LMO4: variants seen among roughly 807,000 people sequenced by gnomAD.
LMO4 encodes LIM domain only 4.
A neutral mutation model predicts 18.5 loss-of-function variants in LMO4; 3 were observed. The observed-to-expected ratio is 0.16, with a 90% CI of 0.07 to 0.42. The LOEUF (loss-of-function observed/expected upper bound fraction) is 0.42. Among genes scored for constraint, LMO4 ranks in the 10% least tolerant of loss-of-function variants. LMO4 has a pLI of 0.99. For synonymous variants in LMO4, 100 were observed against 88.1 expected (o/e 1.14, Z -0.76); for missense variants, 121 against 219.9 (o/e 0.55, Z 2.84).
In LMO4 at chr1:87,347,941, T is replaced by G. The variant is rs926941062; in HGVS notation, c.*3145T>G. 3 of 152,194 alleles carry G rather than the reference T, an allele frequency of 2.0e-5. No individual in the cohort carries two copies. Among genetic ancestry groups the G allele is most frequent in the Admixed American group, 2.0e-4 (3 of 15,276 alleles). The allele number at this position is 152,194 out of a possible 1,614,324, so 9.4% of individuals were successfully genotyped here. A position where few individuals can be genotyped will look rare whatever the true frequency, so the allele number is the denominator to read the frequency against. ...CTTATAAAATACAAAACGAGAAAAC[T>G]GACACACCAAAATGAAGTCTGTGAA... On this transcript the variant is annotated 3_prime_UTR_variant, in exon 5 of 5. Transcript: ENST00000370544.
rs994123163 is a variant in LMO4, at chr1:87,348,626, C to T, written c.*3830C>T. 6.5e-6 allele frequency: 3 copies of T among 458,690 alleles called. No homozygotes were observed. The highest frequency in any genetic ancestry group is 4.0e-5 in the African/African-American group (2 of 50,392). The allele number at this position is 458,690 out of a possible 1,614,324, so 28.4% of individuals were successfully genotyped here. A position where few individuals can be genotyped will look rare whatever the true frequency, so the allele number is the denominator to read the frequency against. On this transcript the variant is annotated 3_prime_UTR_variant, in exon 5 of 5. Coordinates refer to ENST00000370544, the MANE Select transcript of LMO4 (RefSeq NM_006769.4). ...AAAGAGGCATTTGTAGCCCTCTGCT[C>T]CCATCGTGAACATGCTGAGAGCAAT...
In LMO4 at chr1:87,344,855, TC is replaced by T; in HGVS notation, c.*62del. 1 of 1,562,048 alleles carries T rather than the reference TC, an allele frequency of 6.4e-7. No homozygotes were observed. Among genetic ancestry groups the T allele is most frequent in the African/African-American group, 1.4e-5 (1 of 73,942 alleles). ...CTCAGATTTGTTCATCACAGGTGGA[TC>T]CCATGTGTCTTCAGTAGACAAGTCA... is the stretch of plus-strand genomic sequence containing the variant. On this transcript the variant is annotated 3_prime_UTR_variant, in exon 5 of 5. Coordinates refer to ENST00000370544, the MANE Select transcript of LMO4 (RefSeq NM_006769.4).
At chr1:87,338,752 C>A (rs184997477) in intron 2 of LMO4, among the ~76,000 whole-genome samples, 41 of 152,238 alleles carry the variant, frequency 2.7e-4, no homozygotes, top group Admixed American at 2.2e-3. Context: ...TGCAGTGATA[C>A]AGCAAACACC....
At chr1:87,334,814 G>A (rs534915785) in intron 2 of LMO4, among the ~76,000 whole-genome samples, 2 of 152,226 alleles carry the variant, frequency 1.3e-5, no homozygotes, top group African/African-American at 4.8e-5. Flanking sequence ...CTCCCTCCAA[G>A]ATTTCAGATA....
chr1:87,338,239 A>T (rs950141602), intron 2 of LMO4, among the ~76,000 whole-genome samples: 3 of 152,242 alleles, frequency 2.0e-5, no homozygotes, highest in Admixed American at 1.3e-4. Flanking sequence ...ATATAGAGGC[A>T]TGCTGCAATC....
At chr1:87,341,036 G>A (rs1195975916) in intron 4 of LMO4, among the ~76,000 whole-genome samples, 1 of 152,204 alleles carries the variant, frequency 6.6e-6, no homozygotes, top group African/African-American at 2.4e-5. Flanking sequence ...AGCTATGCAA[G>A]TGAGTGCATT....
chr1:87,344,737 A>C (rs780905168), intron 4 of LMO4, 51 bp from the exon 5 acceptor site: 3 of 1,593,984 alleles, frequency 1.9e-6, no homozygotes, highest in Non-Finnish European at 1.7e-6. Flanking sequence ...TGAGTTTAAT[A>C]TCTCTCAAAT....
intron 1 of LMO4, 154 bp from the exon 2 acceptor site, chr1:87,331,859 C>T (rs1650163530): frequency 1.6e-6 from 1 of 606,604 alleles, no homozygotes; most frequent in Non-Finnish European, 2.9e-6. Flanking sequence ...CTTCCCTCTC[C>T]CCCTCAGCCT....
Position 87,345,276 on chromosome 1 carries a change from A to G in LMO4, c.*480A>G, listed in dbSNP as rs1650594854. The G allele has an allele frequency of 6.5e-6, 1 of 154,236 alleles. No individual in the cohort carries two copies. Among genetic ancestry groups the G allele is most frequent in the Non-Finnish European group, 1.4e-5 (1 of 69,282 alleles). 9.6% of individuals were successfully genotyped at this position (154,236 alleles called of 1,614,324 possible). ...AAACTGACCATGAGATAAAGGAAAGAGATGTGGCTTTTGTGATATTCTATC... is the reference window on the plus strand; with the variant it reads ...AAACTGACCATGAGATAAAGGAAAGGGATGTGGCTTTTGTGATATTCTATC... On this transcript the variant is annotated 3_prime_UTR_variant, in exon 5 of 5. Coordinates refer to ENST00000370544, the MANE Select transcript of LMO4 (RefSeq NM_006769.4).
In LMO4 at chr1:87,346,707, G is replaced by A. The variant is rs1002917761; in HGVS notation, c.*1911G>A. The A allele has an allele frequency of 4.6e-5, 7 of 152,258 alleles. No homozygotes were observed. Among genetic ancestry groups the A allele is most frequent in the African/African-American group, 1.7e-4 (7 of 41,544 alleles). 9.4% of individuals were successfully genotyped at this position (152,258 alleles called of 1,614,324 possible). A position where few individuals can be genotyped will look rare whatever the true frequency, so the allele number is the denominator to read the frequency against. On this transcript the variant is annotated 3_prime_UTR_variant, in exon 5 of 5. Transcript: ENST00000370544. ...AAACCTCCTAGAGGAGATTGTAAAGGCATAGAGTTGAGGTGAATAGTTTTG... is the reference window on the plus strand; with the variant it reads ...AAACCTCCTAGAGGAGATTGTAAAGACATAGAGTTGAGGTGAATAGTTTTG...
chr1:87,339,258 T>C (rs1432691830), intron 2 of LMO4, among the ~76,000 whole-genome samples: 1 of 152,090 alleles, frequency 6.6e-6, no homozygotes, highest in Non-Finnish European at 1.5e-5. Flanking sequence ...CCTAGTAATC[T>C]GATAAAATGT....
At chr1:87,342,934 A>G (rs904428777) in intron 4 of LMO4, among the ~76,000 whole-genome samples, 2 of 152,138 alleles carry the variant, frequency 1.3e-5, no homozygotes, top group African/African-American at 4.8e-5. Flanking sequence ...AGAAATGACA[A>G]ATGGCTTCGT....
At chr1:87,340,431 C>T (rs184906248) in intron 4 of LMO4, among the ~76,000 whole-genome samples, 12 of 152,242 alleles carry the variant, frequency 7.9e-5, no homozygotes, top group Admixed American at 7.8e-4. Context: ...TAGCTTCACT[C>T]ACGTTGAACA....
rs146253698 is a variant in LMO4 at position 87,339,608 on chromosome 1, G to T, written c.309G>T (p.Ala103=). The T allele has an allele frequency of 4.2e-5, 67 of 1,612,152 alleles. No individual in the cohort carries two copies. The highest frequency in any genetic ancestry group is 5.4e-5 in the Non-Finnish European group (64 of 1,178,326). The change falls in exon 3 of 5, where the codon GCG becomes GCT. Residue 103 remains alanine (A), a synonymous_variant. Coordinates refer to ENST00000370544, the MANE Select transcript of LMO4 (RefSeq NM_006769.4). ...CTGCGAGTGAACTCGTCATGAGGGC[G>T]CAAGGCAATGTGTATCATCTTAAGG... ...SIPASELVMR[A]QGNVYHLKCF...
At chr1:87,333,724 T>C (rs1448372915) in intron 2 of LMO4, among the ~76,000 whole-genome samples, 3 of 152,304 alleles carry the variant, frequency 2.0e-5, no homozygotes, top group Non-Finnish European at 2.9e-5. Flanking sequence ...TTAATTTCAC[T>C]AAGTGTTCTT....
chr1:87,343,928 T>C (rs1486230427), intron 4 of LMO4, among the ~76,000 whole-genome samples: 1 of 152,230 alleles, frequency 6.6e-6, no homozygotes. Context: ...ATATGTATTA[T>C]TTCATTTTGG....
At chr1:87,337,616 T>TTGGCCACATGGAC (rs1553157635) in intron 2 of LMO4, among the ~76,000 whole-genome samples, 7 of 152,250 alleles carry the variant, frequency 4.6e-5, no homozygotes, top group Non-Finnish European at 8.8e-5. Context: ...CAGCATGTAT[T>TTGGCCACATGGAC]TGGCCACATG....
rs542846241 is a variant in LMO4, at chr1:87,346,856, T to C, written c.*2060T>C. 1 of 152,256 alleles carries C rather than the reference T, an allele frequency of 6.6e-6. No homozygotes were observed. Among genetic ancestry groups the C allele is most frequent in the African/African-American group, 2.4e-5 (1 of 41,464 alleles). The allele number at this position is 152,256 out of a possible 1,614,324, so 9.4% of individuals were successfully genotyped here. ...TTCTTCAAACTAGTTCTGGTTCTTA[T>C]ATTTGTTTTTTTTCCTTTAAGGAAC... On this transcript the variant is annotated 3_prime_UTR_variant, in exon 5 of 5. Transcript: ENST00000370544.
chr1:87,336,231 G>C (rs184430800), intron 2 of LMO4, among the ~76,000 whole-genome samples: 1 of 152,270 alleles, frequency 6.6e-6, no homozygotes, highest in African/African-American at 2.4e-5. Flanking sequence ...AAAACCAATT[G>C]CTTCTGGATC....
Sources: allele counts gnomAD v4.1 joint callset (sites outside exome capture counted in the v4.1 genomes callset), GRCh38; gene constraint gnomAD v4.1.1; transcripts MANE v1.5; gene names NCBI Gene and HGNC (gene_info 2026-07-23, HGNC 2026-07-21).